The following SETD7 variants were observed in gnomAD, a reference collection of about 807,000 sequenced individuals.
SETD7 encodes the protein histone-lysine N-methyltransferase SETD7.
Under a neutral mutation model 41.8 loss-of-function variants are expected in SETD7, and 16 were observed. The ratio of observed to expected loss-of-function variants is 0.38; its 90% CI spans 0.26 to 0.58. The LOEUF (loss-of-function observed/expected upper bound fraction) is 0.58, where lower values mean the gene tolerates loss of function less well. Ranked by LOEUF, SETD7 falls within the 20% of genes least tolerant of loss-of-function variation. The pLI, the probability that SETD7 is intolerant of heterozygous loss-of-function variation, is 0.64. For missense variants in SETD7, 346 were observed against 459.7 expected, an observed-to-expected ratio of 0.75 and a Z score of 2.26; for synonymous variants, 163 against 169.7, an observed-to-expected ratio of 0.96 and a Z score of 0.31.
At chr4:139,543,727 C>A (rs549867750) in intron 2 of SETD7, among the ~76,000 whole-genome samples, 24 of 149,778 alleles carry the variant, frequency 1.6e-4, no homozygotes, top group Admixed American at 3.4e-4. Context: ...CCAAGGCGGG[C>A]GGATCACGAG....
chr4:139,531,442 C>T (rs1448331478), intron 3 of SETD7, among the ~76,000 whole-genome samples: 1 of 152,126 alleles, frequency 6.6e-6, no homozygotes, highest in Non-Finnish European at 1.5e-5. Context: ...ATCAGCAGCG[C>T]CCCAGCACTG....
chr4:139,541,940 C>T (rs1727789383), intron 2 of SETD7, among the ~76,000 whole-genome samples: 1 of 152,128 alleles, frequency 6.6e-6, no homozygotes, highest in Admixed American at 6.5e-5. Flanking sequence ...TGTGCACTCC[C>T]ATGTTTATTG....
intron 7 of SETD7, among the ~76,000 whole-genome samples, chr4:139,512,642 C>G (rs769403815): frequency 1.4e-4 from 21 of 151,870 alleles, no homozygotes; most frequent in Non-Finnish European, 3.1e-4. Context: ...GCTCACCTAA[C>G]AGCTGCTGAA....
Position 139,511,497 on chromosome 4 carries a change from G to A in SETD7, c.*166C>T, listed in dbSNP as rs1276261979. 8.5e-6 allele frequency: 11 copies of A among 1,291,248 alleles called. No homozygotes were observed. Among genetic ancestry groups the A allele is most frequent in the Non-Finnish European group, 1.2e-5 (11 of 935,302 alleles). 80.0% of individuals were successfully genotyped at this position (1,291,248 alleles called of 1,614,324 possible). ...CTAGCTAATTTTAAATCTGGTATGA[G>A]TAATACAGTCAAACCTAGTTAGTAT... On this transcript the variant is annotated 3_prime_UTR_variant, in exon 8 of 8. Coordinates refer to ENST00000274031, the MANE Select transcript of SETD7 (RefSeq NM_030648.4).
At chr4:139,531,406 C>T (rs1044741052) in intron 3 of SETD7, among the ~76,000 whole-genome samples, 1 of 152,086 alleles carries the variant, frequency 6.6e-6, no homozygotes, top group African/African-American at 2.4e-5. Context: ...AGTTCCACTT[C>T]CCCTGACTTC....
intron 5 of SETD7, 46 bp downstream of exon 5, chr4:139,523,308 T>C (rs760145392): frequency 2.1e-5 from 30 of 1,431,654 alleles, no homozygotes; most frequent in Middle Eastern, 3.5e-4. Context: ...TAGGCTTATT[T>C]AACCTCACAT....
intron 7 of SETD7, among the ~76,000 whole-genome samples, chr4:139,516,672 T>A (rs75039333): frequency 0.024 from 3,548 of 150,794 alleles, 126 homozygotes; most frequent in African/African-American, 0.078. Flanking sequence ...TTTGATTTTT[T>A]AAAAAAAAAC....
chr4:139,499,070 A>G (rs1726520021), intron 7 of SETD7, among the ~76,000 whole-genome samples: 1 of 152,216 alleles, frequency 6.6e-6, no homozygotes, highest in African/African-American at 2.4e-5. Flanking sequence ...TCAAAAAGAA[A>G]AAAATTTTCT....
At chr4:139,528,737 T>G (rs1406578278) in intron 4 of SETD7, among the ~76,000 whole-genome samples, 1 of 152,192 alleles carries the variant, frequency 6.6e-6, no homozygotes, top group East Asian at 1.9e-4. Flanking sequence ...TCCCTTCAGA[T>G]TAGGCCCCAG....
At chr4:139,534,379 T>C (rs1293914108) in intron 2 of SETD7, among the ~76,000 whole-genome samples, 1 of 152,130 alleles carries the variant, frequency 6.6e-6, no homozygotes, top group East Asian at 1.9e-4. Context: ...TATTTATTCA[T>C]TAATTCAACT....
In SETD7 at chr4:139,507,448, A is replaced by G. The variant is rs1347679818; in HGVS notation, c.*4215T>C. 1 of 152,676 alleles carries G rather than the reference A, an allele frequency of 6.5e-6. No individual in the cohort carries two copies. Among genetic ancestry groups the G allele is most frequent in the African/African-American group, 2.4e-5 (1 of 41,460 alleles). The allele number at this position is 152,676 out of a possible 1,614,324, so 9.5% of individuals were successfully genotyped here. On this transcript the variant is annotated 3_prime_UTR_variant, in exon 8 of 8. Transcript: ENST00000274031. ...GTAGGCTTTTGATTTTTAAAAATCAAAATTGATCTGCATTACATCTCAATA... is the reference window on the plus strand; with the variant it reads ...GTAGGCTTTTGATTTTTAAAAATCAGAATTGATCTGCATTACATCTCAATA...
chr4:139,532,496 T>A (rs56200923), intron 3 of SETD7: 47,361 of 152,172 alleles, frequency 0.31, 7,540 homozygotes, highest in East Asian at 0.43. Context: ...GTATTTTCTG[T>A]AACATTTTCT....
At chr4:139,534,692 A>T (rs1425156413) in intron 2 of SETD7, among the ~76,000 whole-genome samples, 1 of 152,170 alleles carries the variant, frequency 6.6e-6, no homozygotes, top group Non-Finnish European at 1.5e-5. Context: ...TCTCAGTAGC[A>T]AGCATTGTGT....
chr4:139,526,529 C>T (rs958037741), intron 4 of SETD7, among the ~76,000 whole-genome samples: 7 of 151,672 alleles, frequency 4.6e-5, no homozygotes, highest in Middle Eastern at 6.8e-3. Flanking sequence ...AGTGATCCAC[C>T]TGGCTTAGCC....
intron 4 of SETD7, among the ~76,000 whole-genome samples, chr4:139,523,881 C>A (rs1263546401): frequency 6.6e-6 from 1 of 152,200 alleles, no homozygotes; most frequent in African/African-American, 2.4e-5. Context: ...TTCTGCCTCA[C>A]CAGAATTAAG....
Position 139,533,233 on chromosome 4 carries a change from C to T in SETD7, c.304G>A (p.Gly102Arg), listed in dbSNP as rs748364271. 1 of 1,614,216 alleles carries T rather than the reference C, an allele frequency of 6.2e-7. No homozygotes were observed. The highest frequency in any genetic ancestry group is 8.5e-7 in the Non-Finnish European group (1 of 1,180,034). ...TACTGCCCCTTGAAGATCAGTCTCC[C>T]ATCTGTGTCATATTCCTGGGCTGGA... is the stretch of plus-strand genomic sequence containing the variant. Reference protein sequence around the residue: ...NGPAQEYDTDGRLIFKGQYKD... With the variant: ...NGPAQEYDTDRRLIFKGQYKD... Residue 102 changes from glycine (G) to arginine (R), a missense_variant, in exon 3 of 8, where the codon GGG becomes AGG. Gly to Arg is a moderately radical substitution (Grantham distance 125, BLOSUM62 -2). Around this residue, in one of 3 missense-constraint regions of SETD7, gnomAD observed 266 missense variants for 377.0 expected, o/e 0.71. Transcript: ENST00000274031.
intron 7 of SETD7, among the ~76,000 whole-genome samples, chr4:139,513,189 G>C (rs890283309): frequency 9.2e-5 from 14 of 151,932 alleles, no homozygotes; most frequent in Non-Finnish European, 1.6e-4. Context: ...GGAGGCTGAG[G>C]GGGGTGGATC....
At chr4:139,538,555 C>T (rs1032957386) in intron 2 of SETD7, among the ~76,000 whole-genome samples, 1 of 152,162 alleles carries the variant, frequency 6.6e-6, no homozygotes, top group Non-Finnish European at 1.5e-5. Context: ...TCTCGAACTC[C>T]TGACCTCAAG....
chr4:139,528,456 T>C (rs143396170), intron 4 of SETD7, among the ~76,000 whole-genome samples: 2 of 152,362 alleles, frequency 1.3e-5, no homozygotes, highest in Non-Finnish European at 2.9e-5. Flanking sequence ...ATTACTGCTG[T>C]CATTTCTTTA....
Sources: gnomAD v4.1 joint callset for allele counts (sites outside exome capture counted in the v4.1 genomes callset) on GRCh38, gnomAD v4.1.1 for gene constraint, gnomAD v4.1.1 regional missense constraint, MANE v1.5 for transcripts, NCBI Gene and HGNC (gene_info 2026-07-23, HGNC 2026-07-21) for gene names.